The following CACNA1C variants were observed in gnomAD, a reference collection of about 807,000 sequenced individuals.
The protein encoded by CACNA1C is voltage-dependent L-type calcium channel subunit alpha-1C.
CACNA1C carries 30 observed loss-of-function variants against 229.0 expected under a neutral mutation model. The observed-to-expected ratio is 0.13, with a 90% confidence interval of 0.10 to 0.18. The LOEUF (loss-of-function observed/expected upper bound fraction) is 0.18. Ranked by LOEUF, CACNA1C falls within the 10% of genes least tolerant of loss-of-function variation. The probability of loss-of-function intolerance (pLI) is 1.00; values close to 1 mark genes in which losing one functional copy is unlikely to be tolerated. For synonymous variants in CACNA1C, 1,114 were observed against 1,132.5 expected, an observed-to-expected ratio of 0.98 and a Z score of 0.33; for missense variants, 1,658 against 2,845.0, an observed-to-expected ratio of 0.58 and a Z score of 9.49.
intron 1 of CACNA1C, among the ~76,000 whole-genome samples, chr12:2,018,815 A>T (rs1233644221): frequency 6.6e-6 from 1 of 152,216 alleles, no homozygotes; most frequent in East Asian, 1.9e-4. Context: ...GAGTAGAATG[A>T]TCGTGATGAA....
chr12:2,394,760 G>A (rs2098543128), intron 3 of CACNA1C, among the ~76,000 whole-genome samples: 1 of 152,168 alleles, frequency 6.6e-6, no homozygotes, highest in South Asian at 2.1e-4. Flanking sequence ...AGGATCAGGA[G>A]CTAGAGCCCA....
chr12:2,244,731 TC>T (rs2072278256), intron 3 of CACNA1C, among the ~76,000 whole-genome samples: 1 of 152,142 alleles, frequency 6.6e-6, no homozygotes, highest in African/African-American at 2.4e-5. Flanking sequence ...TCACGTGGAC[TC>T]CCCCTGCAAG....
intron 3 of CACNA1C, among the ~76,000 whole-genome samples, chr12:2,137,899 C>A (rs1237574570): frequency 1.3e-5 from 2 of 151,296 alleles, no homozygotes; most frequent in African/African-American, 4.8e-5. Flanking sequence ...GCCAGTGGAC[C>A]CTGTCTTTGT....
At chr12:2,069,482 A>T (rs1377670787) in intron 1 of CACNA1C, among the ~76,000 whole-genome samples, 1 of 152,166 alleles carries the variant, frequency 6.6e-6, no homozygotes, top group Admixed American at 6.5e-5. Flanking sequence ...AGAGGAGGAG[A>T]GAGCAGTGTG....
chr12:2,310,056 G>A (rs751087082), intron 3 of CACNA1C, among the ~76,000 whole-genome samples: 2 of 152,162 alleles, frequency 1.3e-5, no homozygotes, highest in African/African-American at 2.4e-5. Flanking sequence ...AAATCTTTCT[G>A]TCTGGTCCGC....
intron 3 of CACNA1C, among the ~76,000 whole-genome samples, chr12:2,363,190 G>A (rs1009332390): frequency 1.3e-5 from 2 of 152,158 alleles, no homozygotes; most frequent in Non-Finnish European, 1.5e-5. Context: ...GCTGACCATA[G>A]CATTGTCTGC....
At chr12:2,014,002 G>C (rs2044877855) in intron 1 of CACNA1C, among the ~76,000 whole-genome samples, 1 of 152,108 alleles carries the variant, frequency 6.6e-6, no homozygotes, top group South Asian at 2.1e-4. Context: ...AAGATTAAAG[G>C]GAAGGGTGTT....
chr12:2,547,337 G>A, intron 9 of CACNA1C: 2 of 667,122 alleles, frequency 3.0e-6, no homozygotes, highest in South Asian at 1.7e-5. Context: ...AAAAATGGAT[G>A]TTCTATGTGA....
In CACNA1C at chr12:2,607,070, A is replaced by G; in HGVS notation, c.3296A>G (p.Asp1099Gly). Residue 1099 changes from aspartate (D) to glycine (G), a missense_variant, in exon 26 of 47, where the codon GAC (aspartate) becomes GGC (glycine). Around this residue, in one of 20 missense-constraint regions of CACNA1C, gnomAD observed 77 missense variants for 130.9 expected, o/e 0.59. Transcript: ENST00000399655. Reference protein sequence around the residue: ...RSWENSKFDFDNVLAAMMALF... With the variant: ...RSWENSKFDFGNVLAAMMALF... ...TGGGAGAACAGCAAGTTTGACTTTG[A>G]CAATGTTCTGGCAGCCATGATGGCC... 6.2e-7 allele frequency: 1 copy of G among 1,613,976 alleles called. No homozygotes were observed. The highest frequency in any genetic ancestry group is 2.2e-5 in the East Asian group (1 of 44,868).
At chr12:2,166,006 A>G (rs1229805694) in intron 3 of CACNA1C, among the ~76,000 whole-genome samples, 1 of 152,250 alleles carries the variant, frequency 6.6e-6, no homozygotes, top group Non-Finnish European at 1.5e-5. Flanking sequence ...GCACGTAGTT[A>G]GTGAAGAAAT....
chr12:2,047,753 T>C (rs2051331027), intron 1 of CACNA1C, among the ~76,000 whole-genome samples: 1 of 152,138 alleles, frequency 6.6e-6, no homozygotes, highest in Non-Finnish European at 1.5e-5. Context: ...AGGAAGGGAT[T>C]GATTGCAGAG....
intron 3 of CACNA1C, among the ~76,000 whole-genome samples, chr12:2,428,511 T>G (rs2099053725): frequency 6.6e-6 from 1 of 152,224 alleles, no homozygotes; most frequent in Non-Finnish European, 1.5e-5. Context: ...GAGGCACAGA[T>G]CTTGTCTTCC....
At chr12:2,120,093 C>T (rs1439358124) in intron 2 of CACNA1C, among the ~76,000 whole-genome samples, 3 of 152,240 alleles carry the variant, frequency 2.0e-5, no homozygotes, top group Non-Finnish European at 4.4e-5. Context: ...TCTGTGTTTA[C>T]TCTGGCACGC....
In CACNA1C at chr12:2,161,645, G is replaced by A. The variant is rs145941422; in HGVS notation, c.477+41215G>A. Among the ~76,000 whole-genome samples, 541 of 152,368 alleles carry A rather than the reference G, an allele frequency of 3.6e-3. 2 individuals carry two copies. Among genetic ancestry groups the A allele is most frequent in the African/African-American group, 0.012 (505 of 41,594 alleles). On this transcript the variant is annotated intron_variant, in intron 3 of 46. Transcript: ENST00000399655. ...CTTTCTTGCTTTGTAAGAGTCACTT[G>A]CACTTTTCTGGGGCACAGCCAAACT...
rs556971111 is a variant in CACNA1C, at chr12:2,679,817, C to G, written c.5444+21C>G. Reference sequence around the variant, plus strand: ...AACAGGTAAGTGGGAGGCTGGCCACCCCAGGCGGCACACAGGGCCCACGTG... The same window carrying G: ...AACAGGTAAGTGGGAGGCTGGCCACGCCAGGCGGCACACAGGGCCCACGTG... On this transcript the variant is annotated intron_variant, in intron 42 of 46. Coordinates refer to ENST00000399655, the MANE Select transcript of CACNA1C (RefSeq NM_000719.7). The surrounding 1 kb of genome is among the most constrained non-coding windows in gnomAD (Gnocchi z 5.5). 1.3e-6 allele frequency: 2 copies of G among 1,509,188 alleles called. No homozygotes were observed. Among genetic ancestry groups the G allele is most frequent in the Non-Finnish European group, 1.8e-6 (2 of 1,114,168 alleles). 93.5% of individuals were successfully genotyped at this position (1,509,188 alleles called of 1,614,324 possible). A position where few individuals can be genotyped will look rare whatever the true frequency, so the allele number is the denominator to read the frequency against.
Position 2,690,977 on chromosome 12 carries a change from C to T in CACNA1C, c.6195C>T (p.Asp2065=). 1.3e-6 allele frequency: 2 copies of T among 1,599,430 alleles called. No individual in the cohort carries two copies. The highest frequency in any genetic ancestry group is 1.1e-5 in the South Asian group (1 of 88,500). Residue 2065 remains aspartate, a synonymous_variant, in exon 47 of 47, where the codon GAC becomes GAT. Transcript: ENST00000399655. The part of the protein sequence containing the change: ...FIEVTTQELA[D]ACDMTIEEME... ...AGGTCACCACCCAGGAGCTGGCCGACGCCTGCGACATGACCATAGAGGAGA... is the reference window on the plus strand; with the variant it reads ...AGGTCACCACCCAGGAGCTGGCCGATGCCTGCGACATGACCATAGAGGAGA...
intron 9 of CACNA1C, among the ~76,000 whole-genome samples, chr12:2,546,223 A>G (rs906647400): frequency 6.6e-6 from 1 of 151,892 alleles, no homozygotes; most frequent in Non-Finnish European, 1.5e-5. Context: ...GTGTCTTCAC[A>G]CTATTCTGTG....
At chr12:2,528,014 A>C (rs564142013) in intron 9 of CACNA1C, among the ~76,000 whole-genome samples, 1 of 152,298 alleles carries the variant, frequency 6.6e-6, no homozygotes, top group South Asian at 2.1e-4. Flanking sequence ...CCCTTAGTAA[A>C]CTAATTCTAT....
chr12:2,421,053 C>CAAGT (rs1193045368), intron 3 of CACNA1C, among the ~76,000 whole-genome samples: 1 of 152,178 alleles, frequency 6.6e-6, no homozygotes, highest in Non-Finnish European at 1.5e-5. Flanking sequence ...GTTGAAGTCT[C>CAAGT]CATCAGTGTC....
Sources: allele counts gnomAD v4.1 joint callset (sites outside exome capture counted in the v4.1 genomes callset), GRCh38; gene constraint gnomAD v4.1.1; regional missense constraint gnomAD v4.1.1; non-coding constraint Gnocchi (gnomAD v3.1); transcripts MANE v1.5; gene names NCBI Gene and HGNC (gene_info 2026-07-23, HGNC 2026-07-21).